PTP4A1: variants seen among roughly 807,000 people sequenced by gnomAD.
PTP4A1 encodes protein tyrosine phosphatase type IVA 1.
A neutral mutation model predicts 20.5 loss-of-function variants in PTP4A1; 9 were observed. The observed-to-expected ratio is 0.44, with a 90% CI of 0.26 to 0.77. The LOEUF is 0.77. PTP4A1 is among the 30% of genes least tolerant of loss of function. PTP4A1 has a pLI of 0.19. For synonymous variants in PTP4A1, 78 were observed against 67.4 expected, an observed-to-expected ratio of 1.16 and a Z score of -0.77; for missense variants, 137 against 218.8, an observed-to-expected ratio of 0.63 and a Z score of 2.36.
intron 2 of PTP4A1, among the ~76,000 whole-genome samples, chr6:63,531,630 T>C (rs1775470796): frequency 6.6e-6 from 1 of 150,456 alleles, no homozygotes; most frequent in Non-Finnish European, 1.5e-5. Context: ...GCTGGGACTA[T>C]AGGCACGAGC....
In PTP4A1 at chr6:63,581,183, T is replaced by G. The variant is rs1167647867; in HGVS notation, c.*1009T>G. 1 of 152,438 alleles carries G rather than the reference T, an allele frequency of 6.6e-6. No individual in the cohort carries two copies. Among genetic ancestry groups the G allele is most frequent in the Non-Finnish European group, 1.5e-5 (1 of 67,986 alleles). 9.4% of individuals were successfully genotyped at this position (152,438 alleles called of 1,614,324 possible). ...CCAACCTCTCTTGCAAAAAAAGAAA[T>G]GGGTTTCTGCTAATGAATTGAGCAG... On this transcript the variant is annotated 3_prime_UTR_variant, in exon 6 of 6. Coordinates refer to ENST00000626021, the MANE Select transcript of PTP4A1 (RefSeq NM_003463.5).
At chr6:63,566,217 C>T (rs1397499100) in intron 3 of PTP4A1, among the ~76,000 whole-genome samples, 4 of 152,178 alleles carry the variant, frequency 2.6e-5, no homozygotes, top group Non-Finnish European at 4.4e-5. Context: ...TCAAAGAAAG[C>T]AGCTCTAAAT....
At chr6:63,565,125 A>C (rs934743511) in intron 3 of PTP4A1, among the ~76,000 whole-genome samples, 9 of 151,574 alleles carry the variant, frequency 5.9e-5, no homozygotes, top group Admixed American at 2.6e-4. Flanking sequence ...CAATCCTCCC[A>C]CCTCAACCTC....
At chr6:63,579,804 G>T (rs772890184) in intron 5 of PTP4A1, among the ~76,000 whole-genome samples, 1 of 152,110 alleles carries the variant, frequency 6.6e-6, no homozygotes, top group Non-Finnish European at 1.5e-5. Context: ...TCTTTTCGTG[G>T]ACTTACGTGT....
chr6:63,567,764 G>A (rs540452619), upstream of PTP4A1, among the ~76,000 whole-genome samples: 1 of 152,212 alleles, frequency 6.6e-6, no homozygotes, highest in Non-Finnish European at 1.5e-5. Flanking sequence ...TCTTCTTCCA[G>A]TATAAGACTG....
intron 3 of PTP4A1, among the ~76,000 whole-genome samples, chr6:63,562,201 CTTTT>C (rs60593360): frequency 1.5e-5 from 2 of 137,334 alleles, no homozygotes; most frequent in Admixed American, 7.3e-5. Context: ...TTTTCTTTTT[CTTTT>C]TTTTTTTTTT....
chr6:63,534,314 T>A (rs1218720557), intron 2 of PTP4A1, among the ~76,000 whole-genome samples: 1 of 152,106 alleles, frequency 6.6e-6, no homozygotes, highest in Non-Finnish European at 1.5e-5. Flanking sequence ...TGCCATGCAA[T>A]CTCTCTGGGA....
At chr6:63,553,668 C>T (rs1228315605) in intron 3 of PTP4A1, among the ~76,000 whole-genome samples, 1 of 152,072 alleles carries the variant, frequency 6.6e-6, no homozygotes, top group Admixed American at 6.6e-5. Context: ...ATTGCATTAT[C>T]ACTGATTAGG....
chr6:63,532,421 G>A (rs1288546616), intron 2 of PTP4A1, among the ~76,000 whole-genome samples: 2 of 152,108 alleles, frequency 1.3e-5, no homozygotes, highest in South Asian at 2.1e-4. Flanking sequence ...CCAGCCACAG[G>A]ACCTGCTCAT....
At chr6:63,554,751 C>T (rs1410400356) in intron 3 of PTP4A1, among the ~76,000 whole-genome samples, 1 of 152,176 alleles carries the variant, frequency 6.6e-6, no homozygotes, top group Non-Finnish European at 1.5e-5. Context: ...CGCACCACTA[C>T]ACTCTAGCCT....
intron 2 of PTP4A1, among the ~76,000 whole-genome samples, chr6:63,544,151 C>T (rs903102120): frequency 2.0e-5 from 3 of 152,130 alleles, no homozygotes; most frequent in Admixed American, 2.0e-4. Flanking sequence ...GTGCCTCAGA[C>T]AGTTGTCCGG....
At position 63,536,772 on chromosome 6, in the gene PTP4A1, G is replaced by A. The variant is rs144041147; in HGVS notation, c.-640+8688G>A. ...GTCTTAATTTTTATTTATTAGAAAA[G>A]GTTTTATTATATTATTTATGTAAAT... On this transcript the variant is annotated intron_variant, in intron 2 of 3. Transcript: ENST00000639568. Among the ~76,000 whole-genome samples the A allele has an allele frequency of 4.6e-5, 7 of 151,908 alleles. 1 individual carries two copies. Among genetic ancestry groups the A allele is most frequent in the African/African-American group, 1.7e-4 (7 of 41,440 alleles).
At chr6:63,569,393 A>AT (rs1320154938), upstream of PTP4A1, among the ~76,000 whole-genome samples, 3 of 152,022 alleles carry the variant, frequency 2.0e-5, no homozygotes, top group Non-Finnish European at 4.4e-5. Flanking sequence ...AGTAACTGGG[A>AT]TTAGAGGTGC....
chr6:63,543,697 C>A (rs76822497), intron 2 of PTP4A1, among the ~76,000 whole-genome samples: 3 of 152,248 alleles, frequency 2.0e-5, no homozygotes, highest in African/African-American at 4.8e-5. Flanking sequence ...GAGAAATAAA[C>A]CCTAATCTTT....
chr6:63,561,811 C>G (rs1776964862), intron 3 of PTP4A1, among the ~76,000 whole-genome samples: 1 of 152,166 alleles, frequency 6.6e-6, no homozygotes, highest in Non-Finnish European at 1.5e-5. Flanking sequence ...ATAATCAGAT[C>G]AACTATCCAA....
At chr6:63,573,874 G>A (rs1405377777) in intron 1 of PTP4A1, among the ~76,000 whole-genome samples, 1 of 152,162 alleles carries the variant, frequency 6.6e-6, no homozygotes, top group Non-Finnish European at 1.5e-5. Flanking sequence ...GAAGGGCCCT[G>A]GATGGCGCCT....
intron 2 of PTP4A1, among the ~76,000 whole-genome samples, chr6:63,540,170 T>C (rs577030878): frequency 2.8e-4 from 43 of 152,272 alleles, no homozygotes; most frequent in African/African-American, 1.0e-3. Context: ...CTGGTGTGCA[T>C]GGTTGGAGAG....
chr6:63,581,939 T>G lies in PTP4A1; in HGVS notation c.*1765T>G, dbSNP rs1270370803. On this transcript the variant is annotated 3_prime_UTR_variant, in exon 6 of 6. Coordinates refer to ENST00000626021, the MANE Select transcript of PTP4A1 (RefSeq NM_003463.5). ...CACGTTAATCTAAATCTAGATGTCT[T>G]TGTCTAATTTTTTTTGAATAGCAGT... 2 of 152,196 alleles carry G rather than the reference T, an allele frequency of 1.3e-5. No homozygotes were observed. The highest frequency in any genetic ancestry group is 2.9e-5 in the Non-Finnish European group (2 of 68,010). The allele number at this position is 152,196 out of a possible 1,614,324, so 9.4% of individuals were successfully genotyped here.
chr6:63,555,881 A>T (rs1177168996), intron 3 of PTP4A1, among the ~76,000 whole-genome samples: 3 of 151,972 alleles, frequency 2.0e-5, no homozygotes, highest in Middle Eastern at 3.4e-3. Context: ...TTTAGTAGAG[A>T]CAGGGTTTCG....
Sources: allele counts gnomAD v4.1 joint callset (sites outside exome capture counted in the v4.1 genomes callset), GRCh38; gene constraint gnomAD v4.1.1; transcripts MANE v1.5; gene names NCBI Gene and HGNC (gene_info 2026-07-23, HGNC 2026-07-21).